C3orf20: variants seen among roughly 807,000 people sequenced by gnomAD.
The protein encoded by C3orf20 is family with sequence similarity 149 member C, also known as uncharacterized protein C3orf20.
A neutral mutation model predicts 88.3 loss-of-function variants in C3orf20; 76 were observed. The observed-to-expected ratio is 0.86, with a 90% CI of 0.72 to 1.04. The LOEUF is 1.04. Ranked by LOEUF, C3orf20 falls within the 50% of genes least tolerant of loss-of-function variation. The pLI is 0.00. For missense variants in C3orf20, 1,056 were observed against 1,123.3 expected, an observed-to-expected ratio of 0.94 and a Z score of 0.86; for synonymous variants, 436 against 437.4, an observed-to-expected ratio of 1.00 and a Z score of 0.04.
chr3:14,730,981 C>T (rs1331011975), intron 12 of C3orf20, among the ~76,000 whole-genome samples: 1 of 152,176 alleles, frequency 6.6e-6, no homozygotes, highest in Non-Finnish European at 1.5e-5. Flanking sequence ...GGGATACTTT[C>T]CAAGACCCAC....
At chr3:14,722,038 G>C (rs2034183753) in intron 10 of C3orf20, 1 of 430,056 alleles carries the variant, frequency 2.3e-6, no homozygotes, top group Non-Finnish European at 4.2e-6. Flanking sequence ...AAAGAATATA[G>C]TGGCTCAATA....
chr3:14,740,013 C>T (rs1318951947), intron 12 of C3orf20, among the ~76,000 whole-genome samples: 2 of 152,182 alleles, frequency 1.3e-5, no homozygotes, highest in Non-Finnish European at 2.9e-5. Context: ...AGCAATAAGG[C>T]TGTTTTGCTG....
At chr3:14,697,126 G>GT (rs902370116) in intron 5 of C3orf20, among the ~76,000 whole-genome samples, 7 of 152,144 alleles carry the variant, frequency 4.6e-5, no homozygotes, top group African/African-American at 1.7e-4. Context: ...ACCTTTGGGA[G>GT]TTTGGTTATT....
intron 5 of C3orf20, among the ~76,000 whole-genome samples, chr3:14,699,275 G>C (rs1052619279): frequency 2.6e-5 from 4 of 152,230 alleles, no homozygotes; most frequent in African/African-American, 9.6e-5. Flanking sequence ...TAAGGTGCAA[G>C]ACGAAGTCCT....
chr3:14,685,638 T>G (rs997900383), intron 4 of C3orf20, among the ~76,000 whole-genome samples: 1 of 152,094 alleles, frequency 6.6e-6, no homozygotes, highest in African/African-American at 2.4e-5. Flanking sequence ...AGTGAAAGTT[T>G]GTACCCTTTG....
At chr3:14,690,598 C>T (rs1045039809) in intron 5 of C3orf20, among the ~76,000 whole-genome samples, 13 of 152,222 alleles carry the variant, frequency 8.5e-5, no homozygotes, top group Non-Finnish European at 1.5e-4. Context: ...AGGAGATACT[C>T]CTATTCTACT....
In C3orf20 at chr3:14,757,506, C is replaced by G; in HGVS notation, c.2076C>G (p.Val692=). The change falls in exon 13 of 17, where the codon GTC becomes GTG. Residue 692 remains valine, a synonymous_variant. Transcript: ENST00000253697. ...AGTGCCTGGTGAAGGCGCCCCTGGT[C>G]TCTGACGTGGAGCTGGAGCGCTTCC... ...GCKCLVKAPL[V]SDVELERFLL... The G allele has an allele frequency of 6.2e-7, 1 of 1,614,030 alleles. No homozygotes were observed. The highest frequency in any genetic ancestry group is 1.7e-5 in the Admixed American group (1 of 60,032).
chr3:14,696,415 G>A (rs1017020781), intron 5 of C3orf20, among the ~76,000 whole-genome samples: 2 of 122,078 alleles, frequency 1.6e-5, no homozygotes, highest in Non-Finnish European at 3.5e-5. Flanking sequence ...ATTTTGAGAC[G>A]GAGTCACGCT....
chr3:14,727,680 G>T (rs1426830835), intron 11 of C3orf20, among the ~76,000 whole-genome samples: 2 of 152,176 alleles, frequency 1.3e-5, no homozygotes, highest in Non-Finnish European at 2.9e-5. Flanking sequence ...GATGTCGATT[G>T]CCCCTTTCTC....
At chr3:14,756,741 G>C (rs1451294465) in intron 12 of C3orf20, among the ~76,000 whole-genome samples, 1 of 152,240 alleles carries the variant, frequency 6.6e-6, no homozygotes. Flanking sequence ...ATGCTGGAGA[G>C]TAAGAGATGT....
intron 5 of C3orf20, among the ~76,000 whole-genome samples, chr3:14,691,606 A>G (rs1487392160): frequency 6.6e-6 from 1 of 152,202 alleles, no homozygotes; most frequent in African/African-American, 2.4e-5. Flanking sequence ...GAGGGACCAC[A>G]TTCATATAAC....
At chr3:14,683,712 C>T (rs1220815983) in intron 3 of C3orf20, among the ~76,000 whole-genome samples, 1 of 151,886 alleles carries the variant, frequency 6.6e-6, no homozygotes, top group Non-Finnish European at 1.5e-5. Flanking sequence ...CCTGACTCTA[C>T]TAAAAATACA....
chr3:14,684,487 A>G, intron 4 of C3orf20, 105 bp downstream of exon 4: 1 of 1,411,046 alleles, frequency 7.1e-7, no homozygotes. Flanking sequence ...ATTTCCAAGA[A>G]TTGAGGTGGA....
In C3orf20 at chr3:14,703,257, C is replaced by T. The variant is rs757697318; in HGVS notation, c.873C>T (p.Arg291=). 6.2e-7 allele frequency: 1 copy of T among 1,614,084 alleles called. No homozygotes were observed. Among genetic ancestry groups the T allele is most frequent in the South Asian group, 1.1e-5 (1 of 91,080 alleles). Residue 291 remains arginine (R), a synonymous_variant, in exon 6 of 17, where the codon CGC becomes CGT. Transcript: ENST00000253697. ...GGGAGAAGCTGCAGGAGTTGTGTCG[C>T]CACATGTGAGCACCTCAGTGCTTGG... The part of the protein sequence containing the change: ...EAREKLQELC[R]HIEAERATWK...
intron 12 of C3orf20, among the ~76,000 whole-genome samples, chr3:14,731,307 A>G (rs996077453): frequency 1.3e-5 from 2 of 152,216 alleles, no homozygotes; most frequent in Non-Finnish European, 2.9e-5. Flanking sequence ...ATATTGTTAC[A>G]TGGATCAGCA....
At chr3:14,707,589 A>C (rs917202878) in intron 7 of C3orf20, among the ~76,000 whole-genome samples, 5 of 152,030 alleles carry the variant, frequency 3.3e-5, no homozygotes, top group African/African-American at 7.2e-5. Flanking sequence ...GGTTCTTTAC[A>C]TATTGTGCAT....
chr3:14,723,001 C>T (rs1658583105), intron 10 of C3orf20, among the ~76,000 whole-genome samples: 1 of 152,214 alleles, frequency 6.6e-6, no homozygotes, highest in African/African-American at 2.4e-5. Context: ...ACTCTGCCCA[C>T]TAAGGGAAGG....
chr3:14,683,875 C>CAAAAAAA (rs966127219), intron 3 of C3orf20, among the ~76,000 whole-genome samples: 3 of 83,216 alleles, frequency 3.6e-5, no homozygotes, highest in African/African-American at 9.4e-5. Flanking sequence ...GACTCCATCT[C>CAAAAAAA]AAAAAAAAAA....
At chr3:14,765,691 G>C (rs2035681647) in intron 15 of C3orf20, 1 of 152,866 alleles carries the variant, frequency 6.5e-6, no homozygotes, top group Non-Finnish European at 1.5e-5. Context: ...GTGCAGGGAA[G>C]CTGGGCTGGA....
Sources: gnomAD v4.1 joint callset for allele counts (sites outside exome capture counted in the v4.1 genomes callset) on GRCh38, gnomAD v4.1.1 for gene constraint, MANE v1.5 for transcripts, NCBI Gene and HGNC (gene_info 2026-07-23, HGNC 2026-07-21) for gene names.